Variants in SPATS2L observed in about 807,000 individuals in gnomAD.
The protein encoded by SPATS2L is SPATS2-like protein.
Under a neutral mutation model 59.6 loss-of-function variants are expected in SPATS2L, and 30 were observed. That is an observed-to-expected ratio of 0.50 (90% CI 0.38 to 0.68). The LOEUF (loss-of-function observed/expected upper bound fraction) is 0.68, where lower values mean the gene tolerates loss of function less well. Among genes scored for constraint, SPATS2L ranks in the 30% least tolerant of loss-of-function variants. SPATS2L has a pLI of 0.00. For missense variants in SPATS2L, 615 were observed against 700.0 expected, an observed-to-expected ratio of 0.88 and a Z score of 1.37; for synonymous variants, 252 against 263.5, an observed-to-expected ratio of 0.96 and a Z score of 0.42.
chr2:200,386,276 T>A (rs1054089543), intron 2 of SPATS2L, among the ~76,000 whole-genome samples: 2 of 152,180 alleles, frequency 1.3e-5, no homozygotes, highest in Non-Finnish European at 2.9e-5. Context: ...TTTTATCTTA[T>A]TTTCCCATCT....
At position 200,470,025 on chromosome 2, in the gene SPATS2L, T is replaced by G; in HGVS notation, c.1060+9T>G. ...CATGCTCTGCGGAGAAAGTGAGTTT[T>G]GCATATTTGCTGAATAATTCTGTGT... On this transcript the variant is annotated intron_variant, in intron 11 of 12. Coordinates refer to ENST00000409140, the MANE Select transcript of SPATS2L (RefSeq NM_001100423.2). 6.3e-7 allele frequency: 1 copy of G among 1,592,566 alleles called. No individual in the cohort carries two copies. The highest frequency in any genetic ancestry group is 8.6e-7 in the Non-Finnish European group (1 of 1,168,164).
intron 8 of SPATS2L, among the ~76,000 whole-genome samples, chr2:200,453,839 T>A (rs2085643964): frequency 6.6e-6 from 1 of 152,236 alleles, no homozygotes; most frequent in South Asian, 2.1e-4. Flanking sequence ...CAGGGAAGCC[T>A]GGCTGTAGGG....
chr2:200,381,096 T>G (rs1033237269), intron 2 of SPATS2L, among the ~76,000 whole-genome samples: 2 of 152,054 alleles, frequency 1.3e-5, no homozygotes, highest in African/African-American at 2.4e-5. Context: ...ATTAGGCAAT[T>G]TAACAGTTAG....
At chr2:200,373,270 C>CAAAAAA (rs3856514) in intron 2 of SPATS2L, 21 of 106,030 alleles carry the variant, frequency 2.0e-4, no homozygotes, top group East Asian at 5.0e-4. Context: ...ACTGCCTTAA[C>CAAAAAA]AAAAAAAAAA....
intron 11 of SPATS2L, among the ~76,000 whole-genome samples, chr2:200,470,871 T>A (rs898528644): frequency 2.6e-5 from 4 of 152,212 alleles, no homozygotes; most frequent in African/African-American, 9.6e-5. Context: ...ATAATAGATG[T>A]CACCGGTCTT....
intron 6 of SPATS2L, among the ~76,000 whole-genome samples, chr2:200,432,290 T>C (rs1379654771): frequency 6.6e-6 from 1 of 152,138 alleles, no homozygotes; most frequent in Non-Finnish European, 1.5e-5. Context: ...CTGCAGAAAC[T>C]GGGGGAGCCC....
At chr2:200,373,837 C>T (rs910787118) in intron 2 of SPATS2L, among the ~76,000 whole-genome samples, 2 of 152,082 alleles carry the variant, frequency 1.3e-5, no homozygotes, top group African/African-American at 4.8e-5. Context: ...TTTAAAAGAT[C>T]CTGTTTTCAA....
intron 3 of SPATS2L, chr2:200,389,573 A>G: frequency 3.2e-6 from 1 of 308,408 alleles, no homozygotes; most frequent in Admixed American, 4.7e-5. Flanking sequence ...CAGAGAAGTA[A>G]TTTGGCTAAG....
chr2:200,468,733 A>G (rs997295976), intron 10 of SPATS2L, among the ~76,000 whole-genome samples: 6 of 152,210 alleles, frequency 3.9e-5, no homozygotes, highest in African/African-American at 1.4e-4. Context: ...GTAAACTCCC[A>G]AAGCAGATCT....
intron 2 of SPATS2L, among the ~76,000 whole-genome samples, chr2:200,380,119 C>T (rs1000278666): frequency 6.6e-6 from 1 of 152,146 alleles, no homozygotes; most frequent in Non-Finnish European, 1.5e-5. Context: ...TAGGTGAATG[C>T]TAATAAAGCC....
chr2:200,418,512 T>TAGTGTGAA (rs559484490), intron 5 of SPATS2L, among the ~76,000 whole-genome samples: 343 of 152,142 alleles, frequency 2.3e-3, no homozygotes, highest in African/African-American at 7.8e-3. Flanking sequence ...GGGTTGAAGC[T>TAGTGTGAA]GCAGTGAGCT....
At chr2:200,405,554 A>G (rs2082662989) in intron 3 of SPATS2L, among the ~76,000 whole-genome samples, 1 of 152,208 alleles carries the variant, frequency 6.6e-6, no homozygotes, top group African/African-American at 2.4e-5. Context: ...GTCTGCAAAG[A>G]GTATTTTCTT....
intron 2 of SPATS2L, among the ~76,000 whole-genome samples, chr2:200,361,167 G>C (rs150041487): frequency 3.2e-4 from 48 of 148,018 alleles, no homozygotes; most frequent in African/African-American, 1.2e-3. Context: ...GCAATCTGTG[G>C]CACATTATAG....
intron 2 of SPATS2L, among the ~76,000 whole-genome samples, chr2:200,373,667 G>A (rs2081506394): frequency 6.6e-6 from 1 of 152,134 alleles, no homozygotes. Flanking sequence ...AAAACCAAAA[G>A]GAATCTTAAA....
At chr2:200,350,787 G>A (rs948591106) in intron 2 of SPATS2L, among the ~76,000 whole-genome samples, 5 of 151,982 alleles carry the variant, frequency 3.3e-5, no homozygotes, top group African/African-American at 9.7e-5. Flanking sequence ...TGCCCACTTC[G>A]GCCTCCCAAA....
intron 12 of SPATS2L, among the ~76,000 whole-genome samples, chr2:200,474,453 C>A (rs78702220): frequency 3.3e-5 from 5 of 152,040 alleles, no homozygotes; most frequent in East Asian, 1.9e-4. Context: ...ACTACAGGCA[C>A]GTGCCACCAC....
intron 2 of SPATS2L, among the ~76,000 whole-genome samples, chr2:200,350,285 T>A (rs1468821418): frequency 6.6e-6 from 1 of 152,146 alleles, no homozygotes. Flanking sequence ...TACTCTTTTG[T>A]CTGCTTTCCT....
At chr2:200,442,277 C>A (rs17447508) in intron 8 of SPATS2L, among the ~76,000 whole-genome samples, 4,169 of 152,286 alleles carry the variant, frequency 0.027, 84 homozygotes, top group Non-Finnish European at 0.039. Flanking sequence ...TCCAATCTGT[C>A]TTTAGGTAAG....
In SPATS2L at chr2:200,376,794, AGG is replaced by A. The variant is rs1309067391; in HGVS notation, c.-22-12427_-22-12426del. Among the ~76,000 whole-genome samples the A allele has an allele frequency of 2.0e-5, 3 of 152,366 alleles. No individual in the cohort carries two copies. In the South Asian group the frequency reaches 6.2e-4, roughly 32 times the overall value. ...CCCTGAGAGTTCGTATTTCCTTAGC[AGG>A]GCTGCAGTCAGGCCCCTAGCTTCGG... On this transcript the variant is annotated intron_variant, in intron 2 of 12. Transcript: ENST00000409140.
Sources: gnomAD v4.1 joint callset for allele counts (sites outside exome capture counted in the v4.1 genomes callset) on GRCh38, gnomAD v4.1.1 for gene constraint, MANE v1.5 for transcripts, NCBI Gene and HGNC (gene_info 2026-07-23, HGNC 2026-07-21) for gene names.